Variants in NBEAL1 observed in about 807,000 individuals in gnomAD.
NBEAL1 encodes the protein neurobeachin-like protein 1.
A neutral mutation model predicts 351.3 loss-of-function variants in NBEAL1; 273 were observed. That is an observed-to-expected ratio of 0.78 (90% CI 0.70 to 0.86). NBEAL1 has a LOEUF of 0.86. Ranked by LOEUF, NBEAL1 falls within the 40% of genes least tolerant of loss-of-function variation. The pLI, the probability that NBEAL1 is intolerant of heterozygous loss-of-function variation, is 0.00. For synonymous variants in NBEAL1, 1,050 were observed against 1,086.4 expected (o/e 0.97, Z 0.66); for missense variants, 2,961 against 3,201.3 (o/e 0.92, Z 1.81).
rs778606749 is a variant in NBEAL1, at chr2:203,208,815, T to A, written c.7623+62T>A. 1.0e-5 allele frequency: 13 copies of A among 1,296,522 alleles called. No individual in the cohort carries two copies. In the African/African-American group the frequency reaches 1.4e-4, roughly 13 times the overall value. The allele number at this position is 1,296,522 out of a possible 1,614,324, so 80.3% of individuals were successfully genotyped here. On this transcript the variant is annotated intron_variant, in intron 52 of 55. Coordinates refer to ENST00000683969, the MANE Select transcript of NBEAL1 (RefSeq NM_001378026.1). ...TCTACAAATTTATTACCAACACTTA[T>A]AACTAAAAAGTTTTTCAGAGGAATT... is the stretch of plus-strand genomic sequence containing the variant.
Position 203,149,021 on chromosome 2 carries a change from G to A in NBEAL1, c.5335G>A (p.Ala1779Thr), listed in dbSNP as rs1243367627. ...GTTTGTGGAGCCATTTAATCGAAAA[G>A]CACGCCAAGAGAACCTGAGGTATAA... ...ELFVEPFNRK[A>T]RQENLRYNNM... The change falls in exon 34 of 56, where the codon GCA becomes ACA. Residue 1779 changes from alanine to threonine, a missense_variant. By Grantham distance (58) the Ala-to-Thr change is moderately conservative. Transcript: ENST00000683969. 4.3e-6 allele frequency: 7 copies of A among 1,609,536 alleles called. No homozygotes were observed. In the South Asian group the frequency reaches 7.8e-5, roughly 18 times the overall value.
chr2:203,166,366 G>A, intron 37 of NBEAL1, 69 bp downstream of exon 37: 1 of 1,406,932 alleles, frequency 7.1e-7, no homozygotes, highest in Non-Finnish European at 9.7e-7. Context: ...AATCATGAAT[G>A]AGAAGAAGAA....
At chr2:203,190,490 C>G (rs139861575) in intron 46 of NBEAL1, 101 bp downstream of exon 46, 1 of 832,506 alleles carries the variant, frequency 1.2e-6, no homozygotes, top group Non-Finnish European at 1.9e-6. Flanking sequence ...TAGCCAGTTA[C>G]TCTCAGTCAC....
chr2:203,092,764 A>G (rs1318954949), intron 10 of NBEAL1, among the ~76,000 whole-genome samples: 1 of 152,216 alleles, frequency 6.6e-6, no homozygotes, highest in Non-Finnish European at 1.5e-5. Context: ...TAAAGATTTT[A>G]GTATCACCTC....
chr2:203,038,337 G>C lies in NBEAL1; in HGVS notation c.52-3428G>C, dbSNP rs1332294153. On this transcript the variant is annotated intron_variant, in intron 2 of 55. Transcript: ENST00000683969. Reference sequence around the variant, plus strand: ...TCATACTGCCACCAGTAATGTATGAGAGTTACAGTTACTGCACGTCTTCAC... The same window carrying C: ...TCATACTGCCACCAGTAATGTATGACAGTTACAGTTACTGCACGTCTTCAC... Among the ~76,000 whole-genome samples the C allele has an allele frequency of 3.4e-5, 5 of 148,906 alleles. 1 individual carries two copies. The highest frequency in any genetic ancestry group is 2.7e-4 in the Admixed American group (4 of 14,794).
Position 203,108,200 on chromosome 2 carries a change from A to C in NBEAL1, c.1949+12A>C. 1 of 1,513,332 alleles carries C rather than the reference A, an allele frequency of 6.6e-7. No homozygotes were observed. Among genetic ancestry groups the C allele is most frequent in the Non-Finnish European group, 8.9e-7 (1 of 1,119,552 alleles). 93.7% of individuals were successfully genotyped at this position (1,513,332 alleles called of 1,614,324 possible). A position where few individuals can be genotyped will look rare whatever the true frequency, so the allele number is the denominator to read the frequency against. On this transcript the variant is annotated intron_variant, in intron 14 of 55. Coordinates refer to ENST00000683969, the MANE Select transcript of NBEAL1 (RefSeq NM_001378026.1). ...AAACAATTGTACAGGTATTGGTAAA[A>C]ATTATGGAATATAAATGAATACTGT...
chr2:203,168,094 A>T (rs183890026), intron 38 of NBEAL1, among the ~76,000 whole-genome samples: 1 of 152,224 alleles, frequency 6.6e-6, no homozygotes, highest in Non-Finnish European at 1.5e-5. Flanking sequence ...CCATTCTTCT[A>T]GTTTTACAAA....
intron 42 of NBEAL1, 147 bp from the exon 43 acceptor site, chr2:203,180,235 T>G: frequency 1.8e-6 from 1 of 565,538 alleles, no homozygotes; most frequent in Admixed American, 3.6e-5. Flanking sequence ...ATAAGGAGAG[T>G]AAATTGTACA....
At chr2:203,024,842 A>G (rs2060830188) in intron 2 of NBEAL1, among the ~76,000 whole-genome samples, 1 of 152,206 alleles carries the variant, frequency 6.6e-6, no homozygotes, top group African/African-American at 2.4e-5. Context: ...AGTCTGGGCA[A>G]CAGAGCGAGA....
At chr2:203,034,314 T>C (rs899020895) in intron 2 of NBEAL1, among the ~76,000 whole-genome samples, 2 of 145,258 alleles carry the variant, frequency 1.4e-5, no homozygotes, top group Non-Finnish European at 3.0e-5. Context: ...TGTGCCACCA[T>C]ATCCAGCTAA....
chr2:203,171,891 T>C, intron 39 of NBEAL1, 37 bp from the exon 40 acceptor site: 1 of 1,292,978 alleles, frequency 7.7e-7, no homozygotes, highest in Non-Finnish European at 1.1e-6. Context: ...GATGTAGATT[T>C]TTAAATTTTG....
At chr2:203,151,798 A>G (rs903502362) in intron 35 of NBEAL1, among the ~76,000 whole-genome samples, 1 of 152,150 alleles carries the variant, frequency 6.6e-6, no homozygotes, top group African/African-American at 2.4e-5. Context: ...TGTAATTTCT[A>G]AAAGAAAAAA....
rs1170251389 is a variant in NBEAL1 at position 203,184,074 on chromosome 2, T to TA, written c.6705+711dup. Among the ~76,000 whole-genome samples the TA allele has an allele frequency of 4.1e-3, 361 of 87,960 alleles. 6 individuals are homozygous for TA. The highest frequency in any genetic ancestry group is 8.4e-3 in the African/African-American group (179 of 21,416). 57.7% of individuals were successfully genotyped at this position (87,960 alleles called of 152,430 possible). On this transcript the variant is annotated intron_variant, in intron 44 of 55. Coordinates refer to ENST00000683969, the MANE Select transcript of NBEAL1 (RefSeq NM_001378026.1). ...GCCCAGGCGACAGAGCGAGACTGTC[T>TA]AAAAAAAAAAAAAAAAAAAAAAAAA...
intron 31 of NBEAL1, among the ~76,000 whole-genome samples, chr2:203,143,467 A>G (rs2063433368): frequency 1.3e-5 from 2 of 152,174 alleles, no homozygotes; most frequent in African/African-American, 4.8e-5. Context: ...TTTTGCTCAT[A>G]TAGTTTAGAA....
intron 55 of NBEAL1, 109 bp downstream of exon 55, chr2:203,213,762 G>A (rs2065851905): frequency 6.5e-7 from 1 of 1,535,556 alleles, no homozygotes; most frequent in African/African-American, 1.4e-5. Flanking sequence ...CAAATTAAAA[G>A]CCAAATTTGA....
intron 51 of NBEAL1, among the ~76,000 whole-genome samples, chr2:203,208,354 G>T (rs547111116): frequency 2.2e-4 from 34 of 152,266 alleles, no homozygotes; most frequent in Non-Finnish European, 4.0e-4. Flanking sequence ...TAATAAATCT[G>T]TAGATTAAAA....
At chr2:203,111,599 T>C (rs2062574762) in intron 15 of NBEAL1, among the ~76,000 whole-genome samples, 1 of 152,280 alleles carries the variant, frequency 6.6e-6, no homozygotes, top group African/African-American at 2.4e-5. Context: ...CTCGAACTCC[T>C]GATCCGCCCA....
intron 34 of NBEAL1, among the ~76,000 whole-genome samples, chr2:203,149,991 T>G (rs1575047276): frequency 1.3e-5 from 2 of 152,294 alleles, no homozygotes; most frequent in Admixed American, 1.3e-4. Context: ...TGTTTTCCAT[T>G]TTTTGGCTAA....
intron 54 of NBEAL1, among the ~76,000 whole-genome samples, chr2:203,211,881 G>A (rs971613996): frequency 1.4e-4 from 22 of 151,880 alleles, no homozygotes; most frequent in African/African-American, 5.3e-4. Flanking sequence ...TAGTGGATAC[G>A]TGTTTTTGTT....
Sources: allele counts gnomAD v4.1 joint callset (sites outside exome capture counted in the v4.1 genomes callset), GRCh38; gene constraint gnomAD v4.1.1; transcripts MANE v1.5; gene names NCBI Gene and HGNC (gene_info 2026-07-23, HGNC 2026-07-21).